VAMP1: variants seen among roughly 807,000 people sequenced by gnomAD.
VAMP1 encodes the protein vesicle-associated membrane protein 1.
A neutral mutation model predicts 19.1 loss-of-function variants in VAMP1; 16 were observed. The observed-to-expected ratio is 0.84, with a 90% CI of 0.57 to 1.27. The LOEUF (loss-of-function observed/expected upper bound fraction) is 1.27. VAMP1 is among the 50% of genes most tolerant of loss of function. VAMP1 has a pLI of 0.00. For synonymous variants in VAMP1, 37 were observed against 50.2 expected, an observed-to-expected ratio of 0.74 and a Z score of 1.11; for missense variants, 109 against 145.4, an observed-to-expected ratio of 0.75 and a Z score of 1.29.
At chr12:6,469,292 T>TC (rs1945709123) in intron 1 of VAMP1, among the ~76,000 whole-genome samples, 2 of 152,124 alleles carry the variant, frequency 1.3e-5, no homozygotes, top group Admixed American at 1.3e-4. Flanking sequence ...TTGGAAGCAG[T>TC]CCAGGATGGT....
intron 1 of VAMP1, among the ~76,000 whole-genome samples, chr12:6,467,769 G>A (rs1004452306): frequency 6.6e-6 from 1 of 152,206 alleles, no homozygotes; most frequent in African/African-American, 2.4e-5. Flanking sequence ...GGGTCCCCAT[G>A]CTGTGTGCAG....
intron 1 of VAMP1, among the ~76,000 whole-genome samples, chr12:6,468,815 A>G (rs1193451808): frequency 6.6e-6 from 1 of 152,204 alleles, no homozygotes; most frequent in East Asian, 1.9e-4. Flanking sequence ...TTCTCGGCCA[A>G]GGAAGCACCC....
rs1486323679 is a variant in VAMP1, at chr12:6,470,669, G to A, written c.-138C>T. 7.1e-6 allele frequency: 8 copies of A among 1,129,128 alleles called. No homozygotes were observed. The highest frequency in any genetic ancestry group is 7.8e-6 in the Non-Finnish European group (6 of 766,958). The allele number at this position is 1,129,128 out of a possible 1,614,324, so 69.9% of individuals were successfully genotyped here. On this transcript the variant is annotated 5_prime_UTR_variant, in exon 1 of 5. Transcript: ENST00000396308. ...ACTACCCCGCGGTCTAGCTGCGCTG[G>A]AACTTACTGCAGCTGCCGCGCCGGC... is the stretch of plus-strand genomic sequence containing the variant.
Position 6,462,562 on chromosome 12 carries a change from T to G in VAMP1, c.*1908A>C. 2 of 547,840 alleles carry G rather than the reference T, an allele frequency of 3.7e-6. No homozygotes were observed. The highest frequency in any genetic ancestry group is 3.0e-5 in the East Asian group (1 of 33,616). The allele number at this position is 547,840 out of a possible 1,614,324, so 33.9% of individuals were successfully genotyped here. On this transcript the variant is annotated 3_prime_UTR_variant, in exon 5 of 5. Coordinates refer to ENST00000396308, the MANE Select transcript of VAMP1 (RefSeq NM_014231.5). The stretch of plus-strand genomic sequence containing the variant: ...CACACAGAAGAGGGTACAGGGTGGG[T>G]GAGAAAGAAAGTAGAAGGGCTAATA...
Position 6,463,556 on chromosome 12 carries a change from A to G in VAMP1, c.*914T>C. On this transcript the variant is annotated 3_prime_UTR_variant, in exon 5 of 5. Transcript: ENST00000396308. This position sits in a 1 kb window ranked among gnomAD's most constrained non-coding sequence, Gnocchi z 4.0. ...CGAGGGCAAGGAGTGGCTTCCTCTG[A>G]GCTTGTTACTTTCAAATTAAGCACT... 9.5e-7 allele frequency: 1 copy of G among 1,055,792 alleles called. No individual in the cohort carries two copies. 65.4% of individuals were successfully genotyped at this position (1,055,792 alleles called of 1,614,324 possible). A position where few individuals can be genotyped will look rare whatever the true frequency, so the allele number is the denominator to read the frequency against.
At chr12:6,465,461 TATATA>T (rs1949997930) in intron 3 of VAMP1, 6 of 117,944 alleles carry the variant, frequency 5.1e-5, no homozygotes, top group African/African-American at 2.6e-4. Flanking sequence ...CATATGTGTA[TATATA>T]GTGTGTGTGT....
At chr12:6,466,507 A>AC (rs1294029533) in intron 1 of VAMP1, 156 bp from the exon 2 acceptor site, 2 of 667,496 alleles carry the variant, frequency 3.0e-6, no homozygotes, top group African/African-American at 3.7e-5. Context: ...TCATAGCGAG[A>AC]CCCCATCTCT....
In VAMP1 at chr12:6,463,152, C is replaced by T. The variant is rs1055744050; in HGVS notation, c.*1318G>A. On this transcript the variant is annotated 3_prime_UTR_variant, in exon 5 of 5. Transcript: ENST00000396308. The surrounding 1 kb of genome is among the most constrained non-coding windows in gnomAD (Gnocchi z 4.0). Reference sequence around the variant, plus strand: ...CCTCAGGTTCCACTGTCTATACACACAAACCATGCAAAGAGGAGGAAGAGA... The same window carrying T: ...CCTCAGGTTCCACTGTCTATACACATAAACCATGCAAAGAGGAGGAAGAGA... 14 of 1,451,806 alleles carry T rather than the reference C, an allele frequency of 9.6e-6. No homozygotes were observed. Among genetic ancestry groups the T allele is most frequent in the East Asian group, 2.5e-5 (1 of 40,136 alleles). The allele number at this position is 1,451,806 out of a possible 1,614,324, so 89.9% of individuals were successfully genotyped here.
chr12:6,470,392 G>T, intron 1 of VAMP1, 138 bp downstream of exon 1: 1 of 1,335,890 alleles, frequency 7.5e-7, no homozygotes, highest in Non-Finnish European at 1.1e-6. Context: ...GGGTGGCCCG[G>T]TCCGGAAGCG....
rs1479704448 is a variant in VAMP1 at position 6,463,729 on chromosome 12, A to C, written c.*741T>G. ...TCATACAGAATGCTGTAGAAAATGT[A>C]AAGAAGAGAAAGCTCCTTCCAGCTA... On this transcript the variant is annotated 3_prime_UTR_variant, in exon 5 of 5. Transcript: ENST00000396308. The surrounding 1 kb of genome is among the most constrained non-coding windows in gnomAD (Gnocchi z 4.0). 8.7e-7 allele frequency: 1 copy of C among 1,154,870 alleles called. No individual in the cohort carries two copies. Among genetic ancestry groups the C allele is most frequent in the African/African-American group, 1.6e-5 (1 of 61,564 alleles). 71.5% of individuals were successfully genotyped at this position (1,154,870 alleles called of 1,614,324 possible). A position where few individuals can be genotyped will look rare whatever the true frequency, so the allele number is the denominator to read the frequency against.
chr12:6,466,289 G>A lies in VAMP1; in HGVS notation c.65C>T (p.Pro22Leu). 6 of 1,614,178 alleles carry A rather than the reference G, an allele frequency of 3.7e-6. No homozygotes were observed. The highest frequency in any genetic ancestry group is 1.1e-5 in the South Asian group (1 of 91,074). ...ACTGGTCATGTTAGGAGGAGGGCCA[G>A]GGGGACCCCCACCTGGGGCAGTCCC... ...TEGTAPGGGP[P>L]GPPPNMTSNR... The change falls in exon 2 of 5, where the codon CCT becomes CTT. Residue 22 changes from proline to leucine, a missense_variant. Pro to Leu is a moderately conservative substitution (Grantham distance 98, BLOSUM62 -3). Transcript: ENST00000396308.
chr12:6,465,386 GTATA>G lies in VAMP1; in HGVS notation c.289-449_289-446del, dbSNP rs138439173. ...TATATATATATAAATGTATATATAT[GTATA>G]TATATATATAAATGTATATATATGT... is the stretch of plus-strand genomic sequence containing the variant. On this transcript the variant is annotated intron_variant, in intron 3 of 4. Coordinates refer to ENST00000396308, the MANE Select transcript of VAMP1 (RefSeq NM_014231.5). The G allele has an allele frequency of 8.4e-5, 5 of 59,536 alleles. 1 individual carries two copies. The highest frequency in any genetic ancestry group is 1.9e-4 in the Non-Finnish European group (5 of 26,970). 3.7% of individuals were successfully genotyped at this position (59,536 alleles called of 1,614,324 possible). A position where few individuals can be genotyped will look rare whatever the true frequency, so the allele number is the denominator to read the frequency against.
At chr12:6,464,529 A>G in intron 4 of VAMP1, 43 bp from the exon 5 acceptor site, 1 of 1,475,160 alleles carries the variant, frequency 6.8e-7, no homozygotes. Flanking sequence ...AAAGAGAAAG[A>G]GACAGGAGAA....
Position 6,462,435 on chromosome 12 carries a change from G to A in VAMP1, c.*2035C>T, listed in dbSNP as rs1454067399. ...ATCGTCTCATGGCAAACCGAAGAACGGGATGTGGGAAGCTCAGCTTCATTT... is the reference window on the plus strand; with the variant it reads ...ATCGTCTCATGGCAAACCGAAGAACAGGATGTGGGAAGCTCAGCTTCATTT... On this transcript the variant is annotated 3_prime_UTR_variant, in exon 5 of 5. Transcript: ENST00000396308. 10 of 486,152 alleles carry A rather than the reference G, an allele frequency of 2.1e-5. No homozygotes were observed. The highest frequency in any genetic ancestry group is 3.3e-5 in the Non-Finnish European group (9 of 273,074). 30.1% of individuals were successfully genotyped at this position (486,152 alleles called of 1,614,324 possible). A position where few individuals can be genotyped will look rare whatever the true frequency, so the allele number is the denominator to read the frequency against.
Position 6,464,016 on chromosome 12 carries a change from A to T in VAMP1, c.*454T>A. 2 of 1,293,208 alleles carry T rather than the reference A, an allele frequency of 1.5e-6. No individual in the cohort carries two copies. The highest frequency in any genetic ancestry group is 2.0e-6 in the Non-Finnish European group (2 of 991,456). The allele number at this position is 1,293,208 out of a possible 1,614,324, so 80.1% of individuals were successfully genotyped here. A position where few individuals can be genotyped will look rare whatever the true frequency, so the allele number is the denominator to read the frequency against. On this transcript the variant is annotated 3_prime_UTR_variant, in exon 5 of 5. Transcript: ENST00000396308. ...CCAGGAAGGAAAGCTCCACATGACCAGGCAGTACTGAGTGAGCTGCCATCT... is the reference window on the plus strand; with the variant it reads ...CCAGGAAGGAAAGCTCCACATGACCTGGCAGTACTGAGTGAGCTGCCATCT...
intron 3 of VAMP1, chr12:6,465,466 A>AGAGTGT (rs201563012): frequency 0.016 from 1,684 of 103,428 alleles, 109 homozygotes; most frequent in African/African-American, 0.074. Context: ...GTGTATATAT[A>AGAGTGT]GTGTGTGTGT....
chr12:6,466,162 A>G, intron 2 of VAMP1, 63 bp downstream of exon 2: 1 of 1,612,940 alleles, frequency 6.2e-7, no homozygotes, highest in Admixed American at 1.7e-5. Context: ...AAAGATAAGA[A>G]GTTCCCTTTT....
intron 1 of VAMP1, 73 bp downstream of exon 1, chr12:6,470,457 G>A (rs1035584206): frequency 3.4e-4 from 544 of 1,605,522 alleles, no homozygotes; most frequent in Non-Finnish European, 4.3e-4. Context: ...GCCATTTTCC[G>A]TCCCGCAGAA....
intron 4 of VAMP1, 198 bp downstream of exon 4, chr12:6,464,692 T>C (rs1166135041): frequency 6.7e-7 from 1 of 1,497,122 alleles, no homozygotes; most frequent in Non-Finnish European, 8.8e-7. Context: ...TGCAATGCGT[T>C]GCAGGGGGAA....
Sources: gnomAD v4.1 joint callset for allele counts (sites outside exome capture counted in the v4.1 genomes callset) on GRCh38, gnomAD v4.1.1 for gene constraint, Gnocchi (gnomAD v3.1) non-coding constraint, MANE v1.5 for transcripts, NCBI Gene and HGNC (gene_info 2026-07-23, HGNC 2026-07-21) for gene names.